IDE: variants seen among roughly 807,000 people sequenced by gnomAD.
IDE encodes insulin degrading enzyme.
IDE carries 58 observed loss-of-function variants against 133.2 expected under a neutral mutation model. The ratio of observed to expected loss-of-function variants is 0.44; its 90% CI spans 0.35 to 0.54. IDE has a LOEUF of 0.54. Among genes scored for constraint, IDE ranks in the 20% least tolerant of loss-of-function variants. The pLI is 0.00. For missense variants in IDE, 981 were observed against 1,234.0 expected, an observed-to-expected ratio of 0.79 and a Z score of 3.07; for synonymous variants, 396 against 421.3, an observed-to-expected ratio of 0.94 and a Z score of 0.73.
At position 92,508,764 on chromosome 10, in the gene IDE, C is replaced by T; in HGVS notation, c.1024G>A (p.Gly342Ser). The change falls in exon 7 of 25, where the codon GGT (glycine) becomes AGT (serine). Residue 342 changes from glycine (G) to serine (S), a missense_variant. Gly to Ser is a moderately conservative substitution (Grantham distance 56). Around this residue, in one of 2 missense-constraint regions of IDE, gnomAD observed 660 missense variants for 894.7 expected, o/e 0.74. Transcript: ENST00000265986. The stretch of plus-strand genomic sequence containing the variant: ...AGTTCTGATAACAGACTTCCAGGAC[C>T]TTCATGCCCAATGAGATGACCAAGA... ...HYLGHLIGHE[G>S]PGSLLSELKS... is the part of the protein sequence containing the mutation. The T allele has an allele frequency of 6.2e-7, 1 of 1,614,064 alleles. No homozygotes were observed. Among genetic ancestry groups the T allele is most frequent in the South Asian group, 1.1e-5 (1 of 91,082 alleles).
intron 1 of IDE, among the ~76,000 whole-genome samples, chr10:92,538,367 AC>A (rs1247236584): frequency 6.6e-6 from 1 of 152,238 alleles, no homozygotes; most frequent in Non-Finnish European, 1.5e-5. Flanking sequence ...CCCATAGGGA[AC>A]AACCCCCAAT....
At chr10:92,540,119 T>C (rs900405198) in intron 1 of IDE, among the ~76,000 whole-genome samples, 1 of 152,014 alleles carries the variant, frequency 6.6e-6, no homozygotes, top group Non-Finnish European at 1.5e-5. Context: ...GGCGGGTGCC[T>C]GTAATCCCAG....
Position 92,490,479 on chromosome 10 carries a change from T to G in IDE, c.1533+14A>C. 1.0e-5 allele frequency: 15 copies of G among 1,463,784 alleles called. No homozygotes were observed. The highest frequency in any genetic ancestry group is 1.7e-4 in the Middle Eastern group (1 of 5,774). The allele number at this position is 1,463,784 out of a possible 1,614,324, so 90.7% of individuals were successfully genotyped here. ...CTCACATGTCAGGCTTATTCATAGA[T>G]GAGTTAACCCTACCTTGATGACTTC... On this transcript the variant is annotated intron_variant, in intron 12 of 24. Coordinates refer to ENST00000265986, the MANE Select transcript of IDE (RefSeq NM_004969.4).
intron 15 of IDE, among the ~76,000 whole-genome samples, chr10:92,477,711 A>G (rs191586880): frequency 2.4e-4 from 37 of 152,310 alleles, no homozygotes; most frequent in African/African-American, 7.9e-4. Flanking sequence ...CAGAAAACCC[A>G]TTTTGTCATA....
chr10:92,476,558 C>T (rs1289811371), intron 15 of IDE, among the ~76,000 whole-genome samples: 1 of 152,000 alleles, frequency 6.6e-6, no homozygotes, highest in Non-Finnish European at 1.5e-5. Flanking sequence ...AACTCCTGAG[C>T]TCAAGTGAAC....
Position 92,537,437 on chromosome 10 carries a change from T to C in IDE, c.212A>G (p.Asn71Ser), listed in dbSNP as rs1206786201. ...ACTGATAAGAAGTACTTTGATACCA[T>C]TGGCCAGCTCTAGCCCTCGATATTC... is the stretch of plus-strand genomic sequence containing the variant. Reference protein sequence around the residue: ...KREYRGLELANGIKVLLISDP... With the variant: ...KREYRGLELASGIKVLLISDP... Residue 71 changes from asparagine (N) to serine (S), a missense_variant, in exon 2 of 25, where the codon AAT becomes AGT. Asn to Ser is a conservative substitution (Grantham distance 46). This residue lies in a region of IDE where 321 missense variants were observed against 339.3 expected (regional missense o/e 0.95). Transcript: ENST00000265986. 5.0e-6 allele frequency: 8 copies of C among 1,614,022 alleles called. No individual in the cohort carries two copies. Among genetic ancestry groups the C allele is most frequent in the Admixed American group, 3.3e-5 (2 of 60,006 alleles).
chr10:92,565,747 C>G (rs1843507927), intron 1 of IDE, among the ~76,000 whole-genome samples: 1 of 152,158 alleles, frequency 6.6e-6, no homozygotes, highest in South Asian at 2.1e-4. Context: ...TGCAGATCTC[C>G]CCTTGGCTAT....
Position 92,465,741 on chromosome 10 carries a change from A to C in IDE, c.2423T>G (p.Leu808Arg). Residue 808 changes from leucine (L) to arginine (R), a missense_variant, in exon 20 of 25, where the codon CTG becomes CGG. Physicochemically the swap from Leu to Arg is moderately radical, Grantham distance 102. This residue lies in a region of IDE where 660 missense variants were observed against 894.7 expected (regional missense o/e 0.74). Transcript: ENST00000265986. ...DMQSTSENMF[L>R]ELFCQIISEP... The stretch of plus-strand genomic sequence containing the variant: ...CGAGATAATCTGACAGAAGAGCTCC[A>C]GAAACATATTCTCTGAGGTGCTTTG... The C allele has an allele frequency of 6.2e-7, 1 of 1,614,118 alleles. No individual in the cohort carries two copies. The highest frequency in any genetic ancestry group is 2.2e-5 in the East Asian group (1 of 44,882).
At position 92,478,607 on chromosome 10, in the gene IDE, C is replaced by T. The variant is rs777919674; in HGVS notation, c.1884+670G>A. ...TCCCAAGCTCAACATAATGCTTAAACGGGGTGGTGCCTTTTCTTTGGTTTT... is the reference window on the plus strand; with the variant it reads ...TCCCAAGCTCAACATAATGCTTAAATGGGGTGGTGCCTTTTCTTTGGTTTT... On this transcript the variant is annotated intron_variant, in intron 15 of 24. Transcript: ENST00000265986. 3.5e-5 allele frequency: 38 copies of T among 1,098,888 alleles called. No individual in the cohort carries two copies. The South Asian group carries it at 3.9e-4, about 11-fold the overall frequency. 68.1% of individuals were successfully genotyped at this position (1,098,888 alleles called of 1,614,324 possible).
intron 1 of IDE, among the ~76,000 whole-genome samples, chr10:92,551,785 G>T (rs1337464157): frequency 6.6e-6 from 1 of 151,874 alleles, no homozygotes; most frequent in Admixed American, 6.6e-5. Context: ...ATGGATGATG[G>T]TGATGGTTAC....
At chr10:92,563,436 A>C (rs942816692) in intron 1 of IDE, among the ~76,000 whole-genome samples, 1 of 150,566 alleles carries the variant, frequency 6.6e-6, no homozygotes, top group Non-Finnish European at 1.5e-5. Flanking sequence ...TGGGCTACAG[A>C]GTGAGACTCT....
At chr10:92,555,607 G>T (rs2135780397) in intron 1 of IDE, among the ~76,000 whole-genome samples, 3 of 151,850 alleles carry the variant, frequency 2.0e-5, no homozygotes, top group Middle Eastern at 6.8e-3. Flanking sequence ...AAACTTTTCA[G>T]TATGAGATTG....
At chr10:92,482,194 T>G (rs182624629) in intron 14 of IDE, among the ~76,000 whole-genome samples, 37 of 152,290 alleles carry the variant, frequency 2.4e-4, no homozygotes, top group African/African-American at 7.9e-4. Context: ...GAATAAAAAT[T>G]AATGAAAAAG....
Position 92,453,293 on chromosome 10 carries a change from AT to A in IDE, c.*1150del, listed in dbSNP as rs1265457916. ...TAAAATAGTATCTCATGAAAAAAAT[AT>A]TTTTTTAAAAGTCTACTCCAGTCAT... On this transcript the variant is annotated 3_prime_UTR_variant, in exon 25 of 25. Transcript: ENST00000265986. 3 of 152,106 alleles carry A rather than the reference AT, an allele frequency of 2.0e-5. No individual in the cohort carries two copies. Among genetic ancestry groups the A allele is most frequent in the Non-Finnish European group, 4.4e-5 (3 of 68,018 alleles). The allele number at this position is 152,106 out of a possible 1,614,324, so 9.4% of individuals were successfully genotyped here.
chr10:92,471,942 G>C (rs1589379504), intron 17 of IDE, among the ~76,000 whole-genome samples: 2 of 152,038 alleles, frequency 1.3e-5, no homozygotes, highest in Non-Finnish European at 2.9e-5. Context: ...CTGCAGTCTT[G>C]GGCTGGGTGC....
Position 92,483,275 on chromosome 10 carries a change from A to G in IDE, c.1719T>C (p.Cys573=). The G allele has an allele frequency of 1.2e-6, 2 of 1,601,068 alleles. No individual in the cohort carries two copies. The highest frequency in any genetic ancestry group is 1.7e-6 in the Non-Finnish European group (2 of 1,168,208). ...QDDKFFLPKA[C]LNFEFFSPFA... is the part of the protein sequence containing the mutation. ...CATACCTGAAAAATTCAAAGTTGAG[A>G]CAAGCCTTCGGCAAAAAAAACTTAT... The change falls in exon 14 of 25, where the codon TGT becomes TGC. Residue 573 remains cysteine, a synonymous_variant. Transcript: ENST00000265986.
At chr10:92,531,660 A>T in intron 4 of IDE, 88 bp downstream of exon 4, 1 of 514,278 alleles carries the variant, frequency 1.9e-6, no homozygotes, top group East Asian at 4.8e-5. Context: ...AAATATATAC[A>T]TAAATATATT....
chr10:92,508,140 T>C lies in IDE; in HGVS notation c.1126A>G (p.Asn376Asp). The change falls in exon 8 of 25, where the codon AAT (asparagine) becomes GAT (aspartate). Residue 376 changes from asparagine to aspartate, a missense_variant. Transcript: ENST00000265986. ...AATCCTTCCTCGGTCAAGTCCACAT[T>C]AATGATAAAAAACATAAAACCTCGG... is the stretch of plus-strand genomic sequence containing the variant. Reference protein sequence around the residue: ...GARGFMFFIINVDLTEEGLLH... With the variant: ...GARGFMFFIIDVDLTEEGLLH... 6.2e-7 allele frequency: 1 copy of C among 1,613,616 alleles called. No individual in the cohort carries two copies. Among genetic ancestry groups the C allele is most frequent in the Non-Finnish European group, 8.5e-7 (1 of 1,179,556 alleles).
intron 1 of IDE, among the ~76,000 whole-genome samples, chr10:92,564,525 A>C (rs1426330868): frequency 1.3e-5 from 2 of 151,362 alleles, no homozygotes; most frequent in Non-Finnish European, 2.9e-5. Flanking sequence ...AAAACACAAA[A>C]ATTAGTGGGC....
Sources: allele counts gnomAD v4.1 joint callset (sites outside exome capture counted in the v4.1 genomes callset), GRCh38; gene constraint gnomAD v4.1.1; regional missense constraint gnomAD v4.1.1; transcripts MANE v1.5; gene names NCBI Gene and HGNC (gene_info 2026-07-23, HGNC 2026-07-21).